Variants in GALNTL6 observed in about 807,000 individuals in gnomAD.
The protein encoded by GALNTL6 is polypeptide N-acetylgalactosaminyltransferase-like 6.
In GALNTL6, 46 loss-of-function variants were observed where a neutral mutation model predicts 73.7. The observed-to-expected ratio is 0.62, with a 90% CI of 0.49 to 0.80. The LOEUF (loss-of-function observed/expected upper bound fraction) is 0.80, where lower values mean the gene tolerates loss of function less well. GALNTL6 is among the 30% of genes least tolerant of loss of function. The pLI is 0.00. For missense variants in GALNTL6, 604 were observed against 755.0 expected (o/e 0.80, Z 2.34); for synonymous variants, 259 against 263.7 (o/e 0.98, Z 0.17).
chr4:172,698,279 T>C (rs954294365), intron 5 of GALNTL6, among the ~76,000 whole-genome samples: 1 of 152,128 alleles, frequency 6.6e-6, no homozygotes, highest in Non-Finnish European at 1.5e-5. Flanking sequence ...TCTCTCATAG[T>C]ACTATTCTGA....
At chr4:172,870,090 C>CATT (rs1744850293) in intron 7 of GALNTL6, among the ~76,000 whole-genome samples, 1 of 151,368 alleles carries the variant, frequency 6.6e-6, no homozygotes, top group South Asian at 2.1e-4. Context: ...TCATCATCAT[C>CATT]ATCAGGTGTT....
chr4:172,814,635 A>G (rs1299058019), intron 7 of GALNTL6, among the ~76,000 whole-genome samples: 3 of 152,192 alleles, frequency 2.0e-5, no homozygotes, highest in Non-Finnish European at 4.4e-5. Context: ...TGCATTAAAA[A>G]TATCGTCTTT....
In GALNTL6 at chr4:172,813,605, T is replaced by G. The variant is rs1741434452; in HGVS notation, c.805T>G (p.Phe269Val). 1 of 1,613,064 alleles carries G rather than the reference T, an allele frequency of 6.2e-7. No homozygotes were observed. Among genetic ancestry groups the G allele is most frequent in the Admixed American group, 1.7e-5 (1 of 59,956 alleles). ...GATCGATGTCATTGACCACAATCACTTCGGGTATGAGGCACAAGCTGGGGA... is the reference window on the plus strand; with the variant it reads ...GATCGATGTCATTGACCACAATCACGTCGGGTATGAGGCACAAGCTGGGGA... Reference protein sequence around the residue: ...PMIDVIDHNHFGYEAQAGDAM... With the variant: ...PMIDVIDHNHVGYEAQAGDAM... Residue 269 changes from phenylalanine (F) to valine (V), a missense_variant, in exon 7 of 13, where the codon TTC (phenylalanine) becomes GTC (valine). Phe to Val is a conservative substitution (Grantham distance 50). Coordinates refer to ENST00000506823, the MANE Select transcript of GALNTL6 (RefSeq NM_001034845.3).
chr4:172,415,301 C>T (rs887082170), intron 5 of GALNTL6, among the ~76,000 whole-genome samples: 5 of 152,174 alleles, frequency 3.3e-5, no homozygotes, highest in African/African-American at 1.2e-4. Flanking sequence ...TCAGTATTAG[C>T]TACACAATTA....
chr4:171,837,670 T>C (rs1735132703), intron 2 of GALNTL6, among the ~76,000 whole-genome samples: 1 of 147,196 alleles, frequency 6.8e-6, no homozygotes, highest in African/African-American at 2.5e-5. Context: ...AATTAATATA[T>C]AAATATATTA....
chr4:172,057,229 G>A (rs768211822), intron 2 of GALNTL6, among the ~76,000 whole-genome samples: 2 of 151,900 alleles, frequency 1.3e-5, no homozygotes, highest in South Asian at 2.1e-4. Context: ...GCAACATGGC[G>A]AAACCCTGTA....
At chr4:172,819,978 C>G (rs1186706971) in intron 7 of GALNTL6, among the ~76,000 whole-genome samples, 3 of 152,236 alleles carry the variant, frequency 2.0e-5, no homozygotes, top group African/African-American at 7.2e-5. Context: ...CAAAACATCA[C>G]TGACCTTTAC....
At chr4:172,528,329 T>A (rs1418769132) in intron 5 of GALNTL6, among the ~76,000 whole-genome samples, 2 of 18,296 alleles carry the variant, frequency 1.1e-4, no homozygotes, top group African/African-American at 2.2e-4. Flanking sequence ...AATATATATA[T>A]ATATATATAT....
intron 2 of GALNTL6, among the ~76,000 whole-genome samples, chr4:172,032,707 C>T (rs1741806241): frequency 1.3e-5 from 2 of 152,024 alleles, no homozygotes; most frequent in South Asian, 4.1e-4. Context: ...GCTTTATCCT[C>T]AAACCACAAC....
chr4:172,419,351 C>T (rs192788408), intron 5 of GALNTL6, among the ~76,000 whole-genome samples: 5 of 152,128 alleles, frequency 3.3e-5, no homozygotes, highest in African/African-American at 7.2e-5. Context: ...AAAGTGTGAT[C>T]GTGTATATGA....
intron 7 of GALNTL6, among the ~76,000 whole-genome samples, chr4:172,828,293 C>G (rs1429596406): frequency 1.4e-5 from 2 of 141,904 alleles, no homozygotes; most frequent in Non-Finnish European, 1.5e-5. Context: ...AAAAAAGAAA[C>G]AAACAAAAAA....
At chr4:172,098,342 G>A (rs1289279292) in intron 2 of GALNTL6, among the ~76,000 whole-genome samples, 3 of 152,008 alleles carry the variant, frequency 2.0e-5, no homozygotes, top group Non-Finnish European at 4.4e-5. Context: ...GACAGAGTGG[G>A]GTTGGAGTGT....
chr4:172,791,230 C>A (rs1343757273), intron 5 of GALNTL6, among the ~76,000 whole-genome samples: 1 of 152,130 alleles, frequency 6.6e-6, no homozygotes, highest in Admixed American at 6.5e-5. Context: ...AGGGTGAGGG[C>A]AAGACACAAG....
intron 10 of GALNTL6, among the ~76,000 whole-genome samples, chr4:172,969,017 A>C (rs1750454714): frequency 1.3e-5 from 2 of 152,214 alleles, no homozygotes; most frequent in Admixed American, 6.5e-5. Flanking sequence ...GAAAACTACA[A>C]CATTAGATTT....
intron 5 of GALNTL6, among the ~76,000 whole-genome samples, chr4:172,478,712 T>C (rs925266296): frequency 1.3e-5 from 2 of 151,966 alleles, no homozygotes; most frequent in African/African-American, 4.8e-5. Context: ...ACAGAGTAAA[T>C]AGACAATGTA....
chr4:172,297,086 T>C (rs1739708493), intron 3 of GALNTL6, among the ~76,000 whole-genome samples: 1 of 152,226 alleles, frequency 6.6e-6, no homozygotes, highest in Non-Finnish European at 1.5e-5. Flanking sequence ...CTCGTGGTTT[T>C]GATTTGCATT....
chr4:172,892,861 C>T (rs1746113279), intron 8 of GALNTL6, among the ~76,000 whole-genome samples: 1 of 152,056 alleles, frequency 6.6e-6, no homozygotes, highest in Non-Finnish European at 1.5e-5. Context: ...CAGGGGCAGC[C>T]CAAGGCAAGG....
chr4:172,355,850 A>AT (rs1456116602), intron 5 of GALNTL6, among the ~76,000 whole-genome samples: 1 of 152,066 alleles, frequency 6.6e-6, no homozygotes, highest in African/African-American at 2.4e-5. Flanking sequence ...ATGAAATTCC[A>AT]TTTTTTGTAG....
Position 172,214,242 on chromosome 4 carries a change from G to C in GALNTL6, c.139-15414G>C, listed in dbSNP as rs1296740354. ...ATTGGGTAGTTTGAGTCCTCTGACT[G>C]TCCCTTTTCTTCAGTATTGTGTTAC... On this transcript the variant is annotated intron_variant, in intron 2 of 12. Transcript: ENST00000506823. Among the ~76,000 whole-genome samples, 7 of 152,144 alleles carry C rather than the reference G, an allele frequency of 4.6e-5. No individual in the cohort carries two copies. In the South Asian group the frequency reaches 1.0e-3, roughly 22 times the overall value.
Sources: allele counts gnomAD v4.1 joint callset (sites outside exome capture counted in the v4.1 genomes callset), GRCh38; gene constraint gnomAD v4.1.1; transcripts MANE v1.5; gene names NCBI Gene and HGNC (gene_info 2026-07-23, HGNC 2026-07-21).